EPHA3: variants seen among roughly 807,000 people sequenced by gnomAD.
The protein encoded by EPHA3 is EPH receptor A3.
A neutral mutation model predicts 107.1 loss-of-function variants in EPHA3; 42 were observed. The ratio of observed to expected loss-of-function variants is 0.39; its 90% CI spans 0.31 to 0.51. The LOEUF is 0.51. Ranked by LOEUF, EPHA3 falls within the 20% of genes least tolerant of loss-of-function variation. EPHA3 has a pLI of 0.78. For synonymous variants in EPHA3, 461 were observed against 424.8 expected (o/e 1.09, Z -1.05); for missense variants, 1,183 against 1,211.2 (o/e 0.98, Z 0.35).
At position 89,346,417 on chromosome 3, in the gene EPHA3, T is replaced by C. The variant is rs1476547009; in HGVS notation, c.1306+4327T>C. ...GTTTTTTGGCTGCATAAATGTCTTC[T>C]TTTGAGAAGTGTCTGTTCATGTCCT... On this transcript the variant is annotated intron_variant, in intron 5 of 16. Coordinates refer to ENST00000336596, the MANE Select transcript of EPHA3 (RefSeq NM_005233.6). Among the ~76,000 whole-genome samples, 131 of 146,300 alleles carry C rather than the reference T, an allele frequency of 9.0e-4. 5 individuals carry two copies. The East Asian group carries it at 0.025, about 28-fold the overall frequency.
chr3:89,234,177 C>A (rs774388424), intron 3 of EPHA3, among the ~76,000 whole-genome samples: 2 of 152,080 alleles, frequency 1.3e-5, no homozygotes, highest in Non-Finnish European at 2.9e-5. Flanking sequence ...TTTAATTATA[C>A]AGAGCAGTAA....
intron 1 of EPHA3, among the ~76,000 whole-genome samples, chr3:89,122,381 A>G (rs1189023860): frequency 6.6e-6 from 1 of 152,202 alleles, no homozygotes; most frequent in Non-Finnish European, 1.5e-5. Context: ...GAACATGTGC[A>G]TTATTATATG....
intron 2 of EPHA3, among the ~76,000 whole-genome samples, chr3:89,159,935 CCCTT>C (rs1208088724): frequency 6.6e-6 from 1 of 151,886 alleles, no homozygotes; most frequent in South Asian, 2.1e-4. Flanking sequence ...CTTCCTTCCT[CCCTT>C]CCTTCCTTCT....
At position 89,395,839 on chromosome 3, in the gene EPHA3, C is replaced by T; in HGVS notation, c.1309C>T (p.Pro437Ser). Residue 437 changes from proline (P) to serine (S), a missense_variant and splice_region_variant, in exon 6 of 17, where the codon CCA becomes TCA. Transcript: ENST00000336596. Reference protein sequence around the residue: ...AVSITTNQAAPSPVLTIKKDR... With the variant: ...AVSITTNQAASSPVLTIKKDR... ...CCCCTCCCATCCTCTCTTTACAGCT[C>T]CATCACCTGTCCTGACGATTAAGAA... 2 of 1,613,814 alleles carry T rather than the reference C, an allele frequency of 1.2e-6. No homozygotes were observed. Among genetic ancestry groups the T allele is most frequent in the Non-Finnish European group, 1.7e-6 (2 of 1,179,838 alleles).
At chr3:89,296,912 T>C (rs560482806) in intron 3 of EPHA3, among the ~76,000 whole-genome samples, 1 of 152,278 alleles carries the variant, frequency 6.6e-6, no homozygotes, top group South Asian at 2.1e-4. Flanking sequence ...CACCTTGCAG[T>C]TTTATATTAT....
intron 2 of EPHA3, among the ~76,000 whole-genome samples, chr3:89,148,913 T>C (rs1704629791): frequency 1.3e-5 from 2 of 152,050 alleles, no homozygotes; most frequent in Non-Finnish European, 2.9e-5. Context: ...TAACATATTA[T>C]TATTTCATTG....
At chr3:89,277,476 C>A (rs560541769) in intron 3 of EPHA3, among the ~76,000 whole-genome samples, 2 of 152,048 alleles carry the variant, frequency 1.3e-5, no homozygotes, top group Non-Finnish European at 2.9e-5. Context: ...GATAAATCTT[C>A]TCCACAAAAC....
chr3:89,208,399 A>AAAGG lies in EPHA3; in HGVS notation c.154-1437_154-1434dup, dbSNP rs11272670. Among the ~76,000 whole-genome samples, 116 of 26,918 alleles carry AAAGG rather than the reference A, an allele frequency of 4.3e-3. 14 individuals carry two copies. Among genetic ancestry groups the AAAGG allele is most frequent in the South Asian group, 0.033 (21 of 628 alleles). The allele number at this position is 26,918 out of a possible 152,430, so 17.7% of individuals were successfully genotyped here. On this transcript the variant is annotated intron_variant, in intron 2 of 16. Coordinates refer to ENST00000336596, the MANE Select transcript of EPHA3 (RefSeq NM_005233.6). Reference sequence around the variant, plus strand: ...AAAAAAAAAAGAAAAGAAAGAAAGAAAAGGAAGGAAGGAAGGAAGGAAGGA... The same window carrying AAAGG: ...AAAAAAAAAAGAAAAGAAAGAAAGAAAAGGAAGGAAGGAAGGAAGGAAGGAAGGA...
chr3:89,389,350 C>T (rs1294527965), intron 5 of EPHA3, among the ~76,000 whole-genome samples: 1 of 152,142 alleles, frequency 6.6e-6, no homozygotes. Flanking sequence ...GAGACTAATG[C>T]TTTTAAAGTC....
intron 5 of EPHA3, among the ~76,000 whole-genome samples, chr3:89,381,499 T>A (rs1708507459): frequency 6.6e-6 from 1 of 151,564 alleles, no homozygotes. Flanking sequence ...GCGAAACCCA[T>A]CACTACTCAA....
chr3:89,404,358 T>G (rs75766762), intron 7 of EPHA3, among the ~76,000 whole-genome samples: 2 of 152,196 alleles, frequency 1.3e-5, no homozygotes, highest in East Asian at 3.9e-4. Context: ...AGTGTTTTAC[T>G]AGTACTAACT....
Position 89,353,612 on chromosome 3 carries a change from A to G in EPHA3, c.1306+11522A>G, listed in dbSNP as rs1306992131. 1.3e-5 allele frequency among the ~76,000 whole-genome samples: 2 copies of G among 151,324 alleles called. 1 individual carries two copies. The highest frequency in any genetic ancestry group is 3.0e-5 in the Non-Finnish European group (2 of 67,580). ...AGATACCTGTGCATCTGGGAATGTC[A>G]CTGTGCAGTGATGTGTCATAGTGTG... On this transcript the variant is annotated intron_variant, in intron 5 of 16. Transcript: ENST00000336596.
chr3:89,453,427 C>A (rs1710034644), intron 15 of EPHA3, among the ~76,000 whole-genome samples: 1 of 151,924 alleles, frequency 6.6e-6, no homozygotes, highest in Non-Finnish European at 1.5e-5. Context: ...ATATCAAATA[C>A]TTTTTCTTAT....
chr3:89,332,548 C>T (rs1707311072), intron 3 of EPHA3, among the ~76,000 whole-genome samples: 1 of 152,204 alleles, frequency 6.6e-6, no homozygotes, highest in Admixed American at 6.5e-5. Context: ...TAGCCACTTC[C>T]AGTGTATTGA....
At chr3:89,356,425 T>G (rs975213676) in intron 5 of EPHA3, among the ~76,000 whole-genome samples, 4 of 151,134 alleles carry the variant, frequency 2.6e-5, no homozygotes, top group African/African-American at 7.3e-5. Context: ...TTCCACAATG[T>G]TTGGACTAGT....
At chr3:89,154,280 T>A (rs576812219) in intron 2 of EPHA3, among the ~76,000 whole-genome samples, 5 of 151,676 alleles carry the variant, frequency 3.3e-5, no homozygotes, top group East Asian at 1.9e-4. Context: ...GTTTTTTTTT[T>A]TTTTTATTTT....
intron 5 of EPHA3, among the ~76,000 whole-genome samples, chr3:89,378,029 G>A (rs1201678049): frequency 1.4e-4 from 21 of 152,040 alleles, no homozygotes; most frequent in African/African-American, 3.1e-4. Context: ...ACCAAACACC[G>A]CATGGTCTCA....
intron 3 of EPHA3, among the ~76,000 whole-genome samples, chr3:89,266,215 T>C (rs535971507): frequency 6.6e-6 from 1 of 152,154 alleles, no homozygotes; most frequent in African/African-American, 2.4e-5. Context: ...TTTCATTTTA[T>C]AGATAAAGAA....
chr3:89,341,674 A>G, intron 4 of EPHA3, 81 bp from the exon 5 acceptor site: 1 of 1,104,240 alleles, frequency 9.1e-7, no homozygotes, highest in South Asian at 1.6e-5. Context: ...TACCTCATTC[A>G]GTTCCATTGT....
Sources: allele counts gnomAD v4.1 joint callset (sites outside exome capture counted in the v4.1 genomes callset), GRCh38; gene constraint gnomAD v4.1.1; transcripts MANE v1.5; gene names NCBI Gene and HGNC (gene_info 2026-07-23, HGNC 2026-07-21).